The following FMN2 variants were observed in gnomAD, a reference collection of about 807,000 sequenced individuals.
FMN2 encodes the protein formin-2.
Under a neutral mutation model 142.3 loss-of-function variants are expected in FMN2, and 51 were observed. The ratio of observed to expected loss-of-function variants is 0.36; its 90% CI spans 0.29 to 0.45. The LOEUF (loss-of-function observed/expected upper bound fraction) is 0.45, where lower values mean the gene tolerates loss of function less well. Among genes scored for constraint, FMN2 ranks in the 20% least tolerant of loss-of-function variants. FMN2 has a pLI of 1.00. For synonymous variants in FMN2, 882 were observed against 869.8 expected (o/e 1.01, Z -0.25); for missense variants, 1,936 against 2,122.8 (o/e 0.91, Z 1.73).
At chr1:240,158,755 A>T (rs1010575360) in intron 2 of FMN2, among the ~76,000 whole-genome samples, 4 of 152,020 alleles carry the variant, frequency 2.6e-5, no homozygotes, top group Non-Finnish European at 4.4e-5. Flanking sequence ...TGCATCCCCT[A>T]TTTTGTCCAC....
intron 15 of FMN2, among the ~76,000 whole-genome samples, chr1:240,426,120 A>T (rs1674929692): frequency 6.6e-6 from 1 of 152,210 alleles, no homozygotes; most frequent in Admixed American, 6.5e-5. Flanking sequence ...CTCCAAAGAG[A>T]TCATAACTTG....
At position 240,278,207 on chromosome 1, in the gene FMN2, G is replaced by T. The variant is rs1001867570; in HGVS notation, c.4154-16615G>T. On this transcript the variant is annotated intron_variant, in intron 7 of 17. Transcript: ENST00000319653. ...GCTCCTGGCCTCACTGCTGCAGAGT[G>T]TCTGGAATGAGCATTTGTAGGGTCA... Among the ~76,000 whole-genome samples the T allele has an allele frequency of 1.1e-4, 16 of 152,166 alleles. 1 individual carries two copies. Among genetic ancestry groups the T allele is most frequent in the Admixed American group, 7.9e-4 (12 of 15,270 alleles).
At chr1:240,326,628 A>G (rs1043151093) in intron 8 of FMN2, among the ~76,000 whole-genome samples, 28 of 152,276 alleles carry the variant, frequency 1.8e-4, no homozygotes, top group Admixed American at 1.8e-3. Context: ...AGTCTATTCA[A>G]CAGCTAGATT....
intron 7 of FMN2, among the ~76,000 whole-genome samples, chr1:240,276,702 G>A (rs1210184807): frequency 4.6e-5 from 7 of 152,026 alleles, no homozygotes; most frequent in Non-Finnish European, 1.0e-4. Context: ...TACACAGGCT[G>A]CTCAATTTTC....
At chr1:240,269,206 G>A (rs1016118217) in intron 7 of FMN2, among the ~76,000 whole-genome samples, 1 of 151,890 alleles carries the variant, frequency 6.6e-6, no homozygotes. Context: ...TTCCTTTTGA[G>A]TTTATTCTTT....
intron 2 of FMN2, among the ~76,000 whole-genome samples, chr1:240,126,658 T>G (rs1359162340): frequency 6.6e-6 from 1 of 152,326 alleles, no homozygotes; most frequent in East Asian, 1.9e-4. Context: ...GTCAAGAACT[T>G]TAAAAGACAA....
chr1:240,429,886 TTTTTTTTTG>T (rs1258604306), intron 15 of FMN2, among the ~76,000 whole-genome samples: 14 of 142,436 alleles, frequency 9.8e-5, no homozygotes, highest in African/African-American at 3.3e-4. Context: ...TTTTTTTTGT[TTTTTTTTTG>T]TTTTTTTTGA....
chr1:240,268,365 C>T (rs1278254904), intron 7 of FMN2, among the ~76,000 whole-genome samples: 1 of 152,044 alleles, frequency 6.6e-6, no homozygotes, highest in African/African-American at 2.4e-5. Flanking sequence ...TATCTAACAG[C>T]TCTTAGAAGT....
At chr1:240,421,749 A>G (rs1227287847) in intron 15 of FMN2, among the ~76,000 whole-genome samples, 1 of 152,134 alleles carries the variant, frequency 6.6e-6, no homozygotes, top group Non-Finnish European at 1.5e-5. Context: ...AGGTACAACC[A>G]AGACATTTTA....
chr1:240,398,957 ATTTG>A (rs1180810742), intron 15 of FMN2, among the ~76,000 whole-genome samples: 9 of 152,054 alleles, frequency 5.9e-5, no homozygotes, highest in South Asian at 2.1e-4. Context: ...CGGGCAATGT[ATTTG>A]TTTGTTGTCA....
intron 2 of FMN2, among the ~76,000 whole-genome samples, chr1:240,151,033 T>A (rs5000636): frequency 0.57 from 86,395 of 151,742 alleles, 24,821 homozygotes; most frequent in South Asian, 0.73. Flanking sequence ...CTTCTATGGG[T>A]CTATACATGG....
At chr1:240,287,490 C>T (rs566599358) in intron 7 of FMN2, among the ~76,000 whole-genome samples, 2 of 152,192 alleles carry the variant, frequency 1.3e-5, no homozygotes, top group Non-Finnish European at 2.9e-5. Flanking sequence ...TAAGCTTCTG[C>T]TGACTCTACT....
rs780595882 is a variant in FMN2, at chr1:240,328,147, CAAAAA to C, written c.4216-908_4216-904del. Among the ~76,000 whole-genome samples the C allele has an allele frequency of 1.5e-3, 75 of 51,426 alleles. 1 individual carries two copies. Among genetic ancestry groups the C allele is most frequent in the South Asian group, 0.012 (12 of 974 alleles). 33.7% of individuals were successfully genotyped at this position (51,426 alleles called of 152,430 possible). On this transcript the variant is annotated intron_variant, in intron 8 of 17. Coordinates refer to ENST00000319653, the MANE Select transcript of FMN2 (RefSeq NM_020066.5). The stretch of plus-strand genomic sequence containing the variant: ...TGGGTGACGGAGCAAGACCCCATCT[CAAAAA>C]AAAAAAAAAAAAAAAAAAAAGAAAA...
At chr1:240,410,475 A>G (rs1245255664) in intron 15 of FMN2, among the ~76,000 whole-genome samples, 1 of 152,206 alleles carries the variant, frequency 6.6e-6, no homozygotes, top group East Asian at 1.9e-4. Flanking sequence ...TAGAAGTAAG[A>G]TCTGGATTTC....
rs115689008 is a variant in FMN2, at chr1:240,206,299, G to A, written c.1987-500G>A. The stretch of plus-strand genomic sequence containing the variant: ...AAGTTCTAGTAAACATGATATAAGC[G>A]GTATGGCACATGCTCATAATGCATT... On this transcript the variant is annotated intron_variant, in intron 4 of 17. Coordinates refer to ENST00000319653, the MANE Select transcript of FMN2 (RefSeq NM_020066.5). Among the ~76,000 whole-genome samples the A allele has an allele frequency of 9.2e-3, 1,394 of 152,158 alleles. 31 individuals carry two copies. The highest frequency in any genetic ancestry group is 0.032 in the African/African-American group (1,326 of 41,506).
At chr1:240,361,281 G>A (rs933924184) in intron 14 of FMN2, among the ~76,000 whole-genome samples, 1 of 150,448 alleles carries the variant, frequency 6.6e-6, no homozygotes, top group Non-Finnish European at 1.5e-5. Context: ...TGATGAGGCC[G>A]AACGTGTATT....
chr1:240,144,822 G>GC (rs1663367967), intron 2 of FMN2: 1 of 1,436,788 alleles, frequency 7.0e-7, no homozygotes, highest in Admixed American at 1.7e-5. Context: ...ACCAGAGTGA[G>GC]CAGTGGCTCC....
At chr1:240,361,323 G>GTCTTGGGGAGCAGAAGTTGC (rs1451307215) in intron 14 of FMN2, among the ~76,000 whole-genome samples, 1 of 151,868 alleles carries the variant, frequency 6.6e-6, no homozygotes, top group South Asian at 2.1e-4. Context: ...TCATCCAGAA[G>GTCTTGGGGAGCAGAAGTTGC]TCTTGGGGAG....
At chr1:240,430,053 C>T (rs1051679202) in intron 15 of FMN2, among the ~76,000 whole-genome samples, 8 of 151,734 alleles carry the variant, frequency 5.3e-5, no homozygotes, top group Middle Eastern at 3.4e-3. Context: ...GCCCTGCTAA[C>T]GTTTTGTGTT....
Sources: allele counts gnomAD v4.1 joint callset (sites outside exome capture counted in the v4.1 genomes callset), GRCh38; gene constraint gnomAD v4.1.1; transcripts MANE v1.5; gene names NCBI Gene and HGNC (gene_info 2026-07-23, HGNC 2026-07-21).